Variants in PTCD2 observed in about 807,000 individuals in gnomAD.
PTCD2 encodes pentatricopeptide repeat domain 2, also known as pentatricopeptide repeat-containing protein 2, mitochondrial.
A neutral mutation model predicts 42.6 loss-of-function variants in PTCD2; 31 were observed. The ratio of observed to expected loss-of-function variants is 0.73; its 90% confidence interval spans 0.55 to 0.98. The LOEUF (loss-of-function observed/expected upper bound fraction) is 0.98, where lower values mean the gene tolerates loss of function less well. PTCD2 is among the 50% of genes least tolerant of loss of function. The pLI is 0.00. For synonymous variants in PTCD2, 183 were observed against 170.9 expected (o/e 1.07, Z -0.55); for missense variants, 476 against 454.8 (o/e 1.05, Z -0.42).
intron 9 of PTCD2, among the ~76,000 whole-genome samples, chr5:72,357,877 G>T (rs1018314020): frequency 6.7e-6 from 1 of 149,824 alleles, no homozygotes; most frequent in South Asian, 2.1e-4. Flanking sequence ...TCACTCTGTC[G>T]CCAAGGCTGG....
At chr5:72,326,835 T>G (rs985019876) in intron 3 of PTCD2, 94 bp downstream of exon 3, 15 of 1,257,748 alleles carry the variant, frequency 1.2e-5, no homozygotes, top group Non-Finnish European at 1.7e-5. Flanking sequence ...TGTTGCCACC[T>G]CTATACTAGT....
At chr5:72,341,769 G>A (rs979391761) in intron 7 of PTCD2, among the ~76,000 whole-genome samples, 9 of 151,622 alleles carry the variant, frequency 5.9e-5, no homozygotes, top group Non-Finnish European at 2.9e-5. Flanking sequence ...CTGGCCAGGT[G>A]CAGTGGCTAA....
chr5:72,357,062 C>CA (rs1479953383), intron 9 of PTCD2, among the ~76,000 whole-genome samples: 2 of 152,194 alleles, frequency 1.3e-5, no homozygotes, highest in Non-Finnish European at 2.9e-5. Flanking sequence ...TAAATACCAT[C>CA]ATATACTTGT....
chr5:72,356,279 C>A (rs897792207), intron 9 of PTCD2, among the ~76,000 whole-genome samples: 2 of 152,204 alleles, frequency 1.3e-5, no homozygotes, highest in African/African-American at 4.8e-5. Flanking sequence ...ATTTATATGG[C>A]TAAAGCACCC....
chr5:72,348,406 G>T (rs962275537), intron 8 of PTCD2, among the ~76,000 whole-genome samples: 2 of 152,150 alleles, frequency 1.3e-5, no homozygotes, highest in Admixed American at 1.3e-4. Context: ...TTTTGCTACT[G>T]TCAACTGAAA....
chr5:72,355,973 A>C (rs1015044118), intron 9 of PTCD2, among the ~76,000 whole-genome samples: 5 of 152,014 alleles, frequency 3.3e-5, no homozygotes, highest in African/African-American at 4.8e-5. Flanking sequence ...CCATTTCCTC[A>C]CTTCCACCCA....
At chr5:72,320,788 C>T in intron 1 of PTCD2, 3 of 424,106 alleles carry the variant, frequency 7.1e-6, no homozygotes, top group Non-Finnish European at 1.3e-5. Flanking sequence ...TCCCTCCCGC[C>T]TTGGGTGACT....
intron 4 of PTCD2, 108 bp downstream of exon 4, chr5:72,331,483 G>T (rs995663592): frequency 3.4e-5 from 28 of 814,428 alleles, no homozygotes; most frequent in Non-Finnish European, 5.7e-5. Context: ...TCAAAGAAAG[G>T]CTGCTGGGGC....
chr5:72,336,467 G>A (rs956283826), intron 6 of PTCD2, among the ~76,000 whole-genome samples: 1 of 152,130 alleles, frequency 6.6e-6, no homozygotes, highest in African/African-American at 2.4e-5. Flanking sequence ...ACAGTGCCTG[G>A]TATCCAGTAG....
At chr5:72,347,547 G>T (rs1018367482) in intron 8 of PTCD2, among the ~76,000 whole-genome samples, 3 of 152,106 alleles carry the variant, frequency 2.0e-5, no homozygotes, top group African/African-American at 7.2e-5. Flanking sequence ...TTAGCTGAAC[G>T]TGGTGGTGTG....
chr5:72,348,189 G>C (rs1207013283), intron 8 of PTCD2, among the ~76,000 whole-genome samples: 3 of 152,148 alleles, frequency 2.0e-5, no homozygotes, highest in Admixed American at 2.0e-4. Flanking sequence ...GTCTCTGTTA[G>C]TAGAGCACAT....
At chr5:72,345,414 G>A (rs1047532309) in intron 8 of PTCD2, among the ~76,000 whole-genome samples, 1 of 152,126 alleles carries the variant, frequency 6.6e-6, no homozygotes, top group Non-Finnish European at 1.5e-5. Flanking sequence ...TGCAGTTAAT[G>A]CAATCATCAC....
chr5:72,323,846 A>G (rs768862249), intron 2 of PTCD2, among the ~76,000 whole-genome samples: 1 of 151,956 alleles, frequency 6.6e-6, no homozygotes, highest in South Asian at 2.1e-4. Flanking sequence ...AGATGGTCTC[A>G]CTGTGTTGAG....
At chr5:72,350,573 A>T (rs1752574997) in intron 8 of PTCD2, among the ~76,000 whole-genome samples, 1 of 152,240 alleles carries the variant, frequency 6.6e-6, no homozygotes, top group Admixed American at 6.5e-5. Context: ...CTCTCAAGGC[A>T]TGCAGAAATT....
rs1173397796 is a variant in PTCD2 at position 72,368,392 on chromosome 5, A to G, written c.*9965A>G. ...CACATTTCAAATAAACTAATGTGTT[A>G]TGATTTTTTTTTCTCCTTGAATTTT... On this transcript the variant is annotated 3_prime_UTR_variant, in exon 10 of 10. Coordinates refer to ENST00000380639, the MANE Select transcript of PTCD2 (RefSeq NM_024754.5). 6.6e-6 allele frequency: 1 copy of G among 152,126 alleles called. No homozygotes were observed. The highest frequency in any genetic ancestry group is 1.5e-5 in the Non-Finnish European group (1 of 68,008). The allele number at this position is 152,126 out of a possible 1,614,324, so 9.4% of individuals were successfully genotyped here. A position where few individuals can be genotyped will look rare whatever the true frequency, so the allele number is the denominator to read the frequency against.
chr5:72,352,796 G>A, intron 9 of PTCD2, 42 bp downstream of exon 9: 2 of 1,033,500 alleles, frequency 1.9e-6, no homozygotes, highest in Non-Finnish European at 3.0e-6. Flanking sequence ...AAAGTGAAAG[G>A]ACACTCTTAA....
In PTCD2 at chr5:72,331,386, C is replaced by T. The variant is rs1751433099; in HGVS notation, c.468+11C>T. On this transcript the variant is annotated intron_variant, in intron 4 of 9. Transcript: ENST00000380639. ...CTCATGAAAGACCAGGTTATTGTTT[C>T]CTAATTGTTTTCTCTGCCAATGTGT... 6.4e-7 allele frequency: 1 copy of T among 1,561,304 alleles called. No individual in the cohort carries two copies.
chr5:72,331,582 G>C (rs957230833), intron 4 of PTCD2, among the ~76,000 whole-genome samples: 3 of 152,170 alleles, frequency 2.0e-5, no homozygotes, highest in Admixed American at 2.0e-4. Flanking sequence ...TGTGGAGGAG[G>C]TATAGGTACA....
chr5:72,328,987 T>C (rs1751285268), intron 3 of PTCD2, among the ~76,000 whole-genome samples: 1 of 152,234 alleles, frequency 6.6e-6, no homozygotes, highest in Non-Finnish European at 1.5e-5. Flanking sequence ...TAATTTAAAG[T>C]CACACTGTAT....
Sources: allele counts gnomAD v4.1 joint callset (sites outside exome capture counted in the v4.1 genomes callset), GRCh38; gene constraint gnomAD v4.1.1; transcripts MANE v1.5; gene names NCBI Gene and HGNC (gene_info 2026-07-23, HGNC 2026-07-21).